Variants in NUMB observed in about 807,000 individuals in gnomAD.
The protein encoded by NUMB is protein numb homolog.
NUMB carries 29 observed loss-of-function variants against 59.7 expected under a neutral mutation model. The observed-to-expected ratio is 0.49, with a 90% confidence interval of 0.36 to 0.66. The LOEUF (loss-of-function observed/expected upper bound fraction) is 0.66, where lower values mean the gene tolerates loss of function less well. Ranked by LOEUF, NUMB falls within the 30% of genes least tolerant of loss-of-function variation. The probability of loss-of-function intolerance (pLI) is 0.00; values close to 1 mark genes in which losing one functional copy is unlikely to be tolerated. For missense variants in NUMB, 723 were observed against 822.0 expected (o/e 0.88, Z 1.47); for synonymous variants, 288 against 288.2 (o/e 1.00, Z 0.01).
chr14:73,440,865 G>A (rs1306766896), intron 1 of NUMB, among the ~76,000 whole-genome samples: 7 of 146,804 alleles, frequency 4.8e-5, no homozygotes, highest in Non-Finnish European at 9.0e-5. Flanking sequence ...TTGAGCCAGC[G>A]TGGTGGCTCC....
chr14:73,359,421 C>T (rs1893990359), intron 3 of NUMB, among the ~76,000 whole-genome samples: 1 of 152,178 alleles, frequency 6.6e-6, no homozygotes, highest in South Asian at 2.1e-4. Context: ...CCAAACTCCA[C>T]AATACACATA....
intron 2 of NUMB, among the ~76,000 whole-genome samples, chr14:73,389,625 T>TC (rs1724288063): frequency 6.6e-6 from 1 of 152,162 alleles, no homozygotes; most frequent in African/African-American, 2.4e-5. Context: ...GTGCTGGGAT[T>TC]ATAGGTGTGA....
At chr14:73,368,685 AGAG>A (rs1411454288) in intron 2 of NUMB, among the ~76,000 whole-genome samples, 1 of 152,240 alleles carries the variant, frequency 6.6e-6, no homozygotes, top group Non-Finnish European at 1.5e-5. Context: ...CTCAGTATTA[AGAG>A]GAGTACAGAA....
At chr14:73,438,322 T>A (rs1195292906) in intron 1 of NUMB, among the ~76,000 whole-genome samples, 1 of 152,186 alleles carries the variant, frequency 6.6e-6, no homozygotes, top group African/African-American at 2.4e-5. Context: ...TAGTGGAATA[T>A]TCTTCAGCTG....
chr14:73,301,074 A>G (rs893885793), intron 6 of NUMB, among the ~76,000 whole-genome samples: 11 of 152,228 alleles, frequency 7.2e-5, no homozygotes, highest in African/African-American at 1.4e-4. Flanking sequence ...TCTTCCATCT[A>G]TCATTCACTG....
chr14:73,293,826 A>C (rs775526348), intron 7 of NUMB, among the ~76,000 whole-genome samples: 3 of 152,242 alleles, frequency 2.0e-5, no homozygotes, highest in Admixed American at 6.5e-5. Flanking sequence ...TTAAGGTAGC[A>C]GTCTACTTCA....
intron 2 of NUMB, among the ~76,000 whole-genome samples, chr14:73,384,460 G>C (rs555374102): frequency 1.3e-5 from 2 of 152,056 alleles, no homozygotes; most frequent in African/African-American, 2.4e-5. Context: ...ACACTTAAAA[G>C]AAAAGTGCAG....
intron 2 of NUMB, among the ~76,000 whole-genome samples, chr14:73,380,772 T>C (rs1895195814): frequency 6.7e-6 from 1 of 149,054 alleles, no homozygotes; most frequent in Non-Finnish European, 1.5e-5. Context: ...TCACCCAGGC[T>C]GGAGTGCTGT....
intron 1 of NUMB, among the ~76,000 whole-genome samples, chr14:73,443,450 C>T (rs918537001): frequency 9.2e-5 from 14 of 151,718 alleles, no homozygotes; most frequent in Non-Finnish European, 1.5e-4. Context: ...ACAAAATTAG[C>T]CAGGCGTGGT....
intron 8 of NUMB, among the ~76,000 whole-genome samples, chr14:73,290,761 A>T (rs1889337296): frequency 6.6e-6 from 1 of 152,132 alleles, no homozygotes; most frequent in South Asian, 2.1e-4. Context: ...ATTTTGGAAT[A>T]TTTGCATTAT....
At chr14:73,353,693 C>T (rs997378238) in intron 4 of NUMB, among the ~76,000 whole-genome samples, 3 of 151,068 alleles carry the variant, frequency 2.0e-5, no homozygotes, top group Admixed American at 6.6e-5. Flanking sequence ...TGCAACAGAG[C>T]GAGACTCCAT....
intron 6 of NUMB, among the ~76,000 whole-genome samples, chr14:73,307,524 G>A (rs1890516013): frequency 6.6e-6 from 1 of 152,040 alleles, no homozygotes; most frequent in African/African-American, 2.4e-5. Flanking sequence ...GTGAAAGCGT[G>A]CCTGGTTTGT....
intron 2 of NUMB, among the ~76,000 whole-genome samples, chr14:73,391,125 T>G (rs1452476515): frequency 6.6e-6 from 1 of 152,094 alleles, no homozygotes; most frequent in Admixed American, 6.5e-5. Context: ...TTTTTAAACC[T>G]TTCTCAGCCT....
At position 73,453,154 on chromosome 14, in the gene NUMB, C is replaced by T. The variant is rs189839442; in HGVS notation, c.-233+5339G>A. 7.9e-5 allele frequency among the ~76,000 whole-genome samples: 12 copies of T among 152,094 alleles called. No individual in the cohort carries two copies. The South Asian group carries it at 1.0e-3, about 13-fold the overall frequency. On this transcript the variant is annotated intron_variant, in intron 1 of 12. Coordinates refer to ENST00000555238, the MANE Select transcript of NUMB (RefSeq NM_001005743.2). ...TTGTTTTGTTTTGTTTTGTTTGAGA[C>T]GGAGTTTCTCTCTTGTTGCCCAGGC...
intron 4 of NUMB, among the ~76,000 whole-genome samples, chr14:73,334,559 T>A (rs1378571392): frequency 6.6e-6 from 1 of 152,204 alleles, no homozygotes; most frequent in Non-Finnish European, 1.5e-5. Context: ...TCTATTTTTT[T>A]AAGGTTTGGG....
chr14:73,319,756 C>T (rs1387451503), intron 5 of NUMB, among the ~76,000 whole-genome samples: 1 of 152,144 alleles, frequency 6.6e-6, no homozygotes, highest in Non-Finnish European at 1.5e-5. Context: ...ACATGTGGCA[C>T]ACTATGATAT....
intron 3 of NUMB, among the ~76,000 whole-genome samples, chr14:73,358,914 G>T (rs1004441220): frequency 6.6e-6 from 1 of 152,092 alleles, no homozygotes; most frequent in Non-Finnish European, 1.5e-5. Flanking sequence ...AAGAACCATC[G>T]ATGCTGGAAG....
At chr14:73,446,001 T>C (rs1883474593) in intron 1 of NUMB, among the ~76,000 whole-genome samples, 2 of 130,786 alleles carry the variant, frequency 1.5e-5, no homozygotes, top group South Asian at 6.0e-4. Flanking sequence ...AACTTTTTCT[T>C]TTTTTTTTTT....
Position 73,276,628 on chromosome 14 carries a change from T to A in NUMB, c.1906A>T (p.Thr636Ser), listed in dbSNP as rs1352476120. Residue 636 changes from threonine to serine, a missense_variant, in exon 13 of 13, where the codon ACC becomes TCC. Thr to Ser is a moderately conservative substitution (Grantham distance 58, BLOSUM62 1). Coordinates refer to ENST00000555238, the MANE Select transcript of NUMB (RefSeq NM_001005743.2). ...KSKQRTNPSPTNPFSSDLQKT... is the reference protein window; with the variant it reads ...KSKQRTNPSPSNPFSSDLQKT... ...TGTAAGTCACTGGAGAAAGGGTTGGTAGGGGAGGGATTAGTACGCTGCTTG... is the reference window on the plus strand; with the variant it reads ...TGTAAGTCACTGGAGAAAGGGTTGGAAGGGGAGGGATTAGTACGCTGCTTG... The A allele has an allele frequency of 1.9e-6, 3 of 1,613,962 alleles. No individual in the cohort carries two copies. The highest frequency in any genetic ancestry group is 3.3e-5 in the Admixed American group (2 of 59,996).
Sources: gnomAD v4.1 joint callset for allele counts (sites outside exome capture counted in the v4.1 genomes callset) on GRCh38, gnomAD v4.1.1 for gene constraint, MANE v1.5 for transcripts, NCBI Gene and HGNC (gene_info 2026-07-23, HGNC 2026-07-21) for gene names.